SNAP47: variants seen among roughly 807,000 people sequenced by gnomAD.
SNAP47 encodes synaptosomal-associated protein 47.
In SNAP47, 20 loss-of-function variants were observed where a neutral mutation model predicts 31.4. That is an observed-to-expected ratio of 0.64 (90% confidence interval 0.45 to 0.93). SNAP47 has a LOEUF of 0.93. Among genes scored for constraint, SNAP47 ranks in the 40% least tolerant of loss-of-function variants. SNAP47 has a pLI of 0.00. For missense variants in SNAP47, 492 were observed against 528.5 expected (o/e 0.93, Z 0.68); for synonymous variants, 194 against 213.4 (o/e 0.91, Z 0.79).
intron 4 of SNAP47, 63 bp downstream of exon 4, chr1:227,767,146 T>G (rs974213289): frequency 1.3e-6 from 2 of 1,589,840 alleles, no homozygotes; most frequent in African/African-American, 2.7e-5. Context: ...AGGCTGCTCC[T>G]CTTGCCTTTC....
chr1:227,731,944 AGGCCCTGGT>A (rs1174954968), upstream of SNAP47: 1 of 178,774 alleles, frequency 5.6e-6, no homozygotes, highest in East Asian at 1.3e-4. Context: ...CCCTGCCTGG[AGGCCCTGGT>A]GAGCTTGCCC....
In SNAP47 at chr1:227,762,590, C is replaced by T. The variant is rs187065182; in HGVS notation, c.988+3105C>T. On this transcript the variant is annotated intron_variant, in intron 3 of 4. Transcript: ENST00000617596. The surrounding 1 kb of genome is among the most constrained non-coding windows in gnomAD (Gnocchi z 4.2). ...TGCCTCTGGGACGAGCGCTGGTGCACGTGTGGCCACAGGGTGGCAGCCTCG... is the reference window on the plus strand; with the variant it reads ...TGCCTCTGGGACGAGCGCTGGTGCATGTGTGGCCACAGGGTGGCAGCCTCG... Among the ~76,000 whole-genome samples the T allele has an allele frequency of 9.6e-4, 146 of 152,346 alleles. No individual in the cohort carries two copies. The highest frequency in any genetic ancestry group is 2.5e-3 in the African/African-American group (106 of 41,576).
chr1:227,749,206 G>A (rs775973765), intron 2 of SNAP47, among the ~76,000 whole-genome samples: 13 of 151,814 alleles, frequency 8.6e-5, no homozygotes, highest in Non-Finnish European at 1.5e-4. Flanking sequence ...CTTTTTTGTC[G>A]CGGTCGTTTT....
chr1:227,745,586 G>A (rs1005584666), intron 1 of SNAP47, among the ~76,000 whole-genome samples: 8 of 152,094 alleles, frequency 5.3e-5, no homozygotes, highest in South Asian at 2.1e-4. Context: ...GGTCTGAGAC[G>A]GCTTCTACCT....
chr1:227,747,778 C>A lies in SNAP47; in HGVS notation c.42C>A (p.Tyr14Ter). 1 of 1,614,208 alleles carries A rather than the reference C, an allele frequency of 6.2e-7. No individual in the cohort carries two copies. The highest frequency in any genetic ancestry group is 2.2e-5 in the East Asian group (1 of 44,882). Residue 14 changes from tyrosine to a stop codon, truncating the protein, a stop_gained, in exon 2 of 5, where the codon TAC (tyrosine) becomes TAA (stop). Transcript: ENST00000617596. LOFTEE classifies it high-confidence loss of function. ...DVCIHTWPCTYYLEPKRRWVT... is the reference protein window; with the variant it reads ...DVCIHTWPCT ...GCATCCACACCTGGCCGTGCACCTA[C>A]TACCTGGAGCCCAAGAGGCGATGGG... is the stretch of plus-strand genomic sequence containing the variant.
At chr1:227,735,338 A>G (rs941288359), upstream of SNAP47, 8 of 1,598,556 alleles carry the variant, frequency 5.0e-6, no homozygotes, top group Non-Finnish European at 6.8e-6. Flanking sequence ...GGTGAGGACC[A>G]GCCTCGGAAC....
upstream of SNAP47, chr1:227,728,435 T>TGCCC (rs1491278729): frequency 8.0e-4 from 51 of 63,466 alleles, no homozygotes; most frequent in African/African-American, 1.7e-3. Flanking sequence ...CCGCCCTGCC[T>TGCCC]GCCCCGCCTG....
chr1:227,751,545 C>T (rs1339105684), intron 2 of SNAP47, among the ~76,000 whole-genome samples: 2 of 152,164 alleles, frequency 1.3e-5, no homozygotes, highest in Admixed American at 1.3e-4. Context: ...TGTCGGAGAC[C>T]ACCTGGCCTT....
At chr1:227,751,507 G>A (rs939192124) in intron 2 of SNAP47, among the ~76,000 whole-genome samples, 4 of 152,180 alleles carry the variant, frequency 2.6e-5, no homozygotes, top group Admixed American at 6.5e-5. Flanking sequence ...GATTGAGGTC[G>A]TCAGCCTGGC....
In SNAP47 at chr1:227,740,118, G is replaced by A. The variant is rs114195556; in HGVS notation, c.-46+4619G>A. Among the ~76,000 whole-genome samples, 674 of 152,356 alleles carry A rather than the reference G, an allele frequency of 4.4e-3. 5 individuals carry two copies. Among genetic ancestry groups the A allele is most frequent in the African/African-American group, 0.015 (631 of 41,594 alleles). The stretch of plus-strand genomic sequence containing the variant: ...GTCATGAAAGCACCAACTCTCTGGA[G>A]TTTTGCTTGGGCCATGGTTGGTGAC... On this transcript the variant is annotated intron_variant, in intron 1 of 4. Transcript: ENST00000617596.
chr1:227,768,430 C>T (rs1442466564), intron 4 of SNAP47: 2 of 578,084 alleles, frequency 3.5e-6, no homozygotes, highest in East Asian at 2.8e-4. Context: ...ATGGCTCTGC[C>T]CATGTCCACC....
At chr1:227,754,487 C>T (rs531368266) in intron 2 of SNAP47, among the ~76,000 whole-genome samples, 4 of 152,234 alleles carry the variant, frequency 2.6e-5, no homozygotes, top group African/African-American at 4.8e-5. Flanking sequence ...ACCACGCCCT[C>T]CTCTACCCAG....
At chr1:227,754,510 C>T (rs914698517) in intron 2 of SNAP47, among the ~76,000 whole-genome samples, 1 of 152,160 alleles carries the variant, frequency 6.6e-6, no homozygotes, top group African/African-American at 2.4e-5. Flanking sequence ...TTTCCCTTCC[C>T]CTCTTCCATA....
In SNAP47 at chr1:227,768,296, CT is replaced by C. The variant is rs1468919416; in HGVS notation, c.1113+1216del. The C allele has an allele frequency of 5.1e-6, 5 of 985,320 alleles. No individual in the cohort carries two copies. In the African/African-American group the frequency reaches 8.7e-5, roughly 17 times the overall value. The allele number at this position is 985,320 out of a possible 1,614,324, so 61.0% of individuals were successfully genotyped here. A position where few individuals can be genotyped will look rare whatever the true frequency, so the allele number is the denominator to read the frequency against. On this transcript the variant is annotated intron_variant, in intron 4 of 4. Transcript: ENST00000617596. ...CTGTCTGTTGGGCTGAGACTGTGCACTTTGGATCTTGCAGTTCTGTGTCCAC... is the reference window on the plus strand; with the variant it reads ...CTGTCTGTTGGGCTGAGACTGTGCACTTGGATCTTGCAGTTCTGTGTCCAC...
intron 2 of SNAP47, among the ~76,000 whole-genome samples, chr1:227,757,815 TCCCCATGTA>T (rs1476893276): frequency 6.6e-6 from 1 of 152,198 alleles, no homozygotes; most frequent in Non-Finnish European, 1.5e-5. Flanking sequence ...GCCATGATTT[TCCCCATGTA>T]ATCTTGCTAA....
intron 3 of SNAP47, among the ~76,000 whole-genome samples, chr1:227,764,927 T>C (rs1048158812): frequency 3.3e-5 from 5 of 151,692 alleles, no homozygotes; most frequent in African/African-American, 1.2e-4. Context: ...ACACAAAAAT[T>C]AGCAGGTCGT....
chr1:227,771,971 A>G (rs997755423), intron 4 of SNAP47, among the ~76,000 whole-genome samples: 1 of 152,126 alleles, frequency 6.6e-6, no homozygotes, highest in South Asian at 2.1e-4. Flanking sequence ...GGCCACTACC[A>G]GGCTGCACCA....
At chr1:227,756,912 C>T (rs1024509366) in intron 2 of SNAP47, among the ~76,000 whole-genome samples, 1 of 152,252 alleles carries the variant, frequency 6.6e-6, no homozygotes, top group African/African-American at 2.4e-5. Flanking sequence ...GAGGTGGGAG[C>T]AGGCCTCCTG....
At chr1:227,735,777 A>C (rs1364592748) in intron 1 of SNAP47, 1 of 939,316 alleles carries the variant, frequency 1.1e-6, no homozygotes, top group African/African-American at 1.8e-5. Context: ...GGTGGGATCT[A>C]GCGGAGATGG....
Sources: allele counts gnomAD v4.1 joint callset (sites outside exome capture counted in the v4.1 genomes callset), GRCh38; gene constraint gnomAD v4.1.1; non-coding constraint Gnocchi (gnomAD v3.1); transcripts MANE v1.5; gene names NCBI Gene and HGNC (gene_info 2026-07-23, HGNC 2026-07-21).